NBEAL1: variants seen among roughly 807,000 people sequenced by gnomAD.
The protein encoded by NBEAL1 is neurobeachin like 1, also known as neurobeachin-like protein 1.
A neutral mutation model predicts 351.3 loss-of-function variants in NBEAL1; 273 were observed. The ratio of observed to expected loss-of-function variants is 0.78; its 90% CI spans 0.70 to 0.86. The LOEUF (loss-of-function observed/expected upper bound fraction) is 0.86. Among genes scored for constraint, NBEAL1 ranks in the 40% least tolerant of loss-of-function variants. The pLI, the probability that NBEAL1 is intolerant of heterozygous loss-of-function variation, is 0.00. For missense variants in NBEAL1, 2,961 were observed against 3,201.3 expected, an observed-to-expected ratio of 0.92 and a Z score of 1.81; for synonymous variants, 1,050 against 1,086.4, an observed-to-expected ratio of 0.97 and a Z score of 0.66.
Position 203,062,387 on chromosome 2 carries a change from A to G in NBEAL1, c.515+4934A>G, listed in dbSNP as rs1244629930. On this transcript the variant is annotated intron_variant, in intron 6 of 55. Coordinates refer to ENST00000683969, the MANE Select transcript of NBEAL1 (RefSeq NM_001378026.1). The surrounding 1 kb of genome is among the most constrained non-coding windows in gnomAD (Gnocchi z 4.2). Reference sequence around the variant, plus strand: ...GGTGAAGGTTACAGCCACATCCTCAAAAGTCACTGAGTCCATGTTCCAGCT... The same window carrying G: ...GGTGAAGGTTACAGCCACATCCTCAGAAGTCACTGAGTCCATGTTCCAGCT... 6.6e-6 allele frequency: 3 copies of G among 457,574 alleles called. No homozygotes were observed. Among genetic ancestry groups the G allele is most frequent in the Non-Finnish European group, 1.3e-5 (3 of 230,742 alleles). 28.3% of individuals were successfully genotyped at this position (457,574 alleles called of 1,614,324 possible).
rs1356060643 is a variant in NBEAL1 at position 203,093,912 on chromosome 2, C to T, written c.1099-3635C>T. 2.6e-5 allele frequency among the ~76,000 whole-genome samples: 4 copies of T among 151,942 alleles called. No homozygotes were observed. The South Asian group carries it at 6.2e-4, about 24-fold the overall frequency. ...TGGGACCTGGGCCTTCCCTGCTGGC[C>T]GTAATAGTCTTCCTTATTTCTGGAA... On this transcript the variant is annotated intron_variant, in intron 10 of 55. Transcript: ENST00000683969.
At chr2:203,154,420 G>A (rs1227805485) in intron 35 of NBEAL1, among the ~76,000 whole-genome samples, 1 of 151,920 alleles carries the variant, frequency 6.6e-6, no homozygotes, top group Non-Finnish European at 1.5e-5. Context: ...CCTTAGTTTT[G>A]TCTACTCCTT....
intron 10 of NBEAL1, among the ~76,000 whole-genome samples, chr2:203,093,026 A>AT (rs1258116702): frequency 3.3e-5 from 5 of 152,000 alleles, no homozygotes; most frequent in Non-Finnish European, 5.9e-5. Context: ...AGGTTAGGAG[A>AT]TTGAGACCAC....
At chr2:203,113,721 T>C (rs1426828101) in intron 17 of NBEAL1, among the ~76,000 whole-genome samples, 1 of 151,952 alleles carries the variant, frequency 6.6e-6, no homozygotes, top group East Asian at 1.9e-4. Flanking sequence ...TAAGTGAGGC[T>C]TCTCTTCCTC....
chr2:203,034,373 A>G lies in NBEAL1; in HGVS notation c.52-7392A>G, dbSNP rs578197872. ...AGGGTTTCACCATGTTGGCCAGGAT[A>G]GTCTCGATATCCTGACCTTGCGATC... On this transcript the variant is annotated intron_variant, in intron 2 of 55. Coordinates refer to ENST00000683969, the MANE Select transcript of NBEAL1 (RefSeq NM_001378026.1). Among the ~76,000 whole-genome samples, 13 of 139,024 alleles carry G rather than the reference A, an allele frequency of 9.4e-5. 2 individuals are homozygous for G. Among genetic ancestry groups the G allele is most frequent in the East Asian group, 2.0e-4 (1 of 5,056 alleles). 91.2% of individuals were successfully genotyped at this position (139,024 alleles called of 152,430 possible).
At chr2:203,188,636 G>A in intron 45 of NBEAL1, 47 bp downstream of exon 45, 2 of 1,083,438 alleles carry the variant, frequency 1.8e-6, no homozygotes, top group Non-Finnish European at 1.4e-6. Flanking sequence ...GATAGAAACT[G>A]TTGTTTAATA....
intron 7 of NBEAL1, chr2:203,074,636 C>T (rs2061739718): frequency 6.6e-6 from 1 of 151,982 alleles, no homozygotes; most frequent in Non-Finnish European, 1.5e-5. Context: ...CCCTTTTTTT[C>T]TTTATGGTGA....
At chr2:203,168,840 GC>G (rs1174976983) in intron 38 of NBEAL1, among the ~76,000 whole-genome samples, 1 of 135,472 alleles carries the variant, frequency 7.4e-6, no homozygotes, top group Non-Finnish European at 1.5e-5. Context: ...GTTACAGTGA[GC>G]CGAGATCACG....
chr2:203,139,408 GC>G (rs1271548017), intron 31 of NBEAL1, among the ~76,000 whole-genome samples: 4 of 151,700 alleles, frequency 2.6e-5, no homozygotes, highest in Non-Finnish European at 5.9e-5. Context: ...TATTTACCTG[GC>G]CCTTTTTATT....
At position 203,039,492 on chromosome 2, in the gene NBEAL1, C is replaced by T. The variant is rs185882631; in HGVS notation, c.52-2273C>T. On this transcript the variant is annotated intron_variant, in intron 2 of 55. Transcript: ENST00000683969. ...GATCTCAGCTCACTGCAACCTCCGCCTCCTGGGTTCAAGCAATTCTCATGC... is the reference window on the plus strand; with the variant it reads ...GATCTCAGCTCACTGCAACCTCCGCTTCCTGGGTTCAAGCAATTCTCATGC... 2.8e-4 allele frequency among the ~76,000 whole-genome samples: 41 copies of T among 147,058 alleles called. 1 individual carries two copies. The highest frequency in any genetic ancestry group is 9.6e-4 in the African/African-American group (39 of 40,694).
At chr2:203,188,331 A>G in intron 44 of NBEAL1, 141 bp from the exon 45 acceptor site, 2 of 487,922 alleles carry the variant, frequency 4.1e-6, no homozygotes, top group East Asian at 3.2e-5. Context: ...GCTTGCCATT[A>G]TTTTGAGATA....
At chr2:203,118,878 C>T (rs1048484603) in intron 18 of NBEAL1, among the ~76,000 whole-genome samples, 2 of 152,028 alleles carry the variant, frequency 1.3e-5, no homozygotes, top group Non-Finnish European at 2.9e-5. Flanking sequence ...CATGAGCCAC[C>T]GCACTGGGCC....
chr2:203,046,798 T>C (rs1475532516), intron 3 of NBEAL1, among the ~76,000 whole-genome samples: 1 of 152,186 alleles, frequency 6.6e-6, no homozygotes. Flanking sequence ...CATTGGGAGT[T>C]AGTTTACAAC....
At chr2:203,099,328 C>T (rs574195827) in intron 11 of NBEAL1, among the ~76,000 whole-genome samples, 1 of 151,874 alleles carries the variant, frequency 6.6e-6, no homozygotes, top group East Asian at 1.9e-4. Context: ...AGACCTCCCT[C>T]CCTTCCTCTT....
intron 47 of NBEAL1, among the ~76,000 whole-genome samples, chr2:203,194,413 G>A (rs190083372): frequency 2.0e-5 from 3 of 152,124 alleles, no homozygotes; most frequent in African/African-American, 7.2e-5. Context: ...ATTATAAAAT[G>A]CATTCATACC....
At chr2:203,101,601 T>C (rs2106215326) in intron 12 of NBEAL1, among the ~76,000 whole-genome samples, 1 of 152,254 alleles carries the variant, frequency 6.6e-6, no homozygotes, top group Middle Eastern at 3.4e-3. Flanking sequence ...GTATGGTCAT[T>C]TTTTTTCTCT....
intron 12 of NBEAL1, among the ~76,000 whole-genome samples, chr2:203,107,132 T>C (rs1293474496): frequency 2.6e-5 from 4 of 152,174 alleles, no homozygotes; most frequent in African/African-American, 4.8e-5. Context: ...ACAAGAATTG[T>C]CATATGCCCT....
intron 53 of NBEAL1, among the ~76,000 whole-genome samples, chr2:203,210,417 T>G (rs1447882919): frequency 2.0e-5 from 3 of 148,400 alleles, no homozygotes; most frequent in Admixed American, 6.8e-5. Flanking sequence ...ATGCCAGCAC[T>G]TTGGGAGGCC....
chr2:203,160,649 T>G (rs2063926222), intron 36 of NBEAL1, among the ~76,000 whole-genome samples: 1 of 152,206 alleles, frequency 6.6e-6, no homozygotes, highest in Non-Finnish European at 1.5e-5. Context: ...ACATTTTTGG[T>G]AACAAACTGT....
Sources: allele counts gnomAD v4.1 joint callset (sites outside exome capture counted in the v4.1 genomes callset), GRCh38; gene constraint gnomAD v4.1.1; non-coding constraint Gnocchi (gnomAD v3.1); transcripts MANE v1.5; gene names NCBI Gene and HGNC (gene_info 2026-07-23, HGNC 2026-07-21).